GRIK2: variants seen among roughly 807,000 people sequenced by gnomAD.
GRIK2 encodes the protein glutamate receptor ionotropic, kainate 2.
In GRIK2, 32 loss-of-function variants were observed where a neutral mutation model predicts 100.3. That is an observed-to-expected ratio of 0.32 (90% CI 0.24 to 0.43). GRIK2 has a LOEUF of 0.43. Among genes scored for constraint, GRIK2 ranks in the 20% least tolerant of loss-of-function variants. GRIK2 has a pLI of 1.00. For synonymous variants in GRIK2, 417 were observed against 389.4 expected (o/e 1.07, Z -0.83); for missense variants, 843 against 1,114.9 (o/e 0.76, Z 3.47).
intron 14 of GRIK2, among the ~76,000 whole-genome samples, chr6:102,018,058 G>A (rs191803085): frequency 1.3e-5 from 2 of 152,190 alleles, no homozygotes; most frequent in East Asian, 3.9e-4. Flanking sequence ...TCAAACTTGT[G>A]TTTTTGCATT....
intron 11 of GRIK2, among the ~76,000 whole-genome samples, chr6:101,868,157 A>G (rs192525935): frequency 1.0e-3 from 158 of 151,536 alleles, no homozygotes; most frequent in Non-Finnish European, 2.0e-3. Flanking sequence ...TTTGTTATGC[A>G]GTACAGAGCA....
chr6:101,851,377 T>C (rs1424209348), intron 10 of GRIK2, among the ~76,000 whole-genome samples: 1 of 152,000 alleles, frequency 6.6e-6, no homozygotes, highest in Non-Finnish European at 1.5e-5. Context: ...CTCATATGCT[T>C]CACAGACTCC....
chr6:101,717,829 T>G (rs1484546699), intron 7 of GRIK2, among the ~76,000 whole-genome samples: 2 of 151,918 alleles, frequency 1.3e-5, no homozygotes, highest in African/African-American at 4.8e-5. Flanking sequence ...TTTTATGAAT[T>G]TAACAAAATG....
chr6:101,694,137 G>T (rs1489139705), intron 7 of GRIK2, among the ~76,000 whole-genome samples: 1 of 152,012 alleles, frequency 6.6e-6, no homozygotes, highest in Non-Finnish European at 1.5e-5. Context: ...TCTGGACTGT[G>T]GCATCAAGGT....
At chr6:101,747,185 T>C (rs969963713) in intron 7 of GRIK2, among the ~76,000 whole-genome samples, 9 of 152,166 alleles carry the variant, frequency 5.9e-5, no homozygotes, top group African/African-American at 1.9e-4. Flanking sequence ...CTTTCCTAAA[T>C]CACACATTGA....
intron 2 of GRIK2, among the ~76,000 whole-genome samples, chr6:101,480,705 G>C (rs1450518261): frequency 1.3e-5 from 2 of 152,022 alleles, no homozygotes; most frequent in Non-Finnish European, 2.9e-5. Context: ...GCCAACTCAA[G>C]ATTGTACTAG....
At chr6:101,500,520 A>G (rs919667099) in intron 2 of GRIK2, among the ~76,000 whole-genome samples, 5 of 152,098 alleles carry the variant, frequency 3.3e-5, no homozygotes, top group African/African-American at 1.2e-4. Flanking sequence ...ATGATTTTCA[A>G]CATGATCATG....
intron 2 of GRIK2, among the ~76,000 whole-genome samples, chr6:101,535,570 T>G (rs1275215898): frequency 1.3e-5 from 2 of 151,536 alleles, no homozygotes; most frequent in Non-Finnish European, 3.0e-5. Context: ...ATGCTCTTAT[T>G]TCAGTTGTTA....
At position 101,399,187 on chromosome 6, in the gene GRIK2, A is replaced by C. The variant is rs1775143169; in HGVS notation, c.-91A>C. ...CCATGCCGTGATCGTGTCTGCGGTC[A>C]CCACTCGACGCATCCTCATTTCTAC... is the stretch of plus-strand genomic sequence containing the variant. On this transcript the variant is annotated 5_prime_UTR_variant, in exon 2 of 17. Coordinates refer to ENST00000369134, the MANE Select transcript of GRIK2 (RefSeq NM_021956.5). 1.3e-6 allele frequency: 1 copy of C among 749,434 alleles called. No individual in the cohort carries two copies. Among genetic ancestry groups the C allele is most frequent in the African/African-American group, 1.7e-5 (1 of 58,686 alleles). The allele number at this position is 749,434 out of a possible 1,614,324, so 46.4% of individuals were successfully genotyped here.
chr6:101,489,036 T>C (rs973894145), intron 2 of GRIK2, among the ~76,000 whole-genome samples: 1 of 146,668 alleles, frequency 6.8e-6, no homozygotes, highest in Middle Eastern at 3.5e-3. Flanking sequence ...TATATTTTAA[T>C]GGGAAATTTT....
At chr6:101,782,342 C>T (rs774317459) in intron 7 of GRIK2, among the ~76,000 whole-genome samples, 3 of 152,118 alleles carry the variant, frequency 2.0e-5, no homozygotes, top group Non-Finnish European at 2.9e-5. Flanking sequence ...AACTTCTCCT[C>T]GTCTGTCCTT....
chr6:101,797,392 G>A (rs980969130), intron 7 of GRIK2, among the ~76,000 whole-genome samples: 7 of 151,694 alleles, frequency 4.6e-5, no homozygotes, highest in Non-Finnish European at 8.8e-5. Context: ...TTCCCCACTT[G>A]TTAGCTGTGT....
intron 2 of GRIK2, among the ~76,000 whole-genome samples, chr6:101,455,713 A>G (rs2579934): frequency 0.96 from 146,787 of 152,164 alleles, 70,835 homozygotes; most frequent in African/African-American, 0.99. Flanking sequence ...GATTTGGGAA[A>G]CATCATATGA....
chr6:101,561,680 A>G (rs1777023214), intron 2 of GRIK2, among the ~76,000 whole-genome samples: 1 of 152,118 alleles, frequency 6.6e-6, no homozygotes, highest in South Asian at 2.1e-4. Flanking sequence ...TGGAGGAAAA[A>G]TCTGCTGAAC....
chr6:101,919,139 T>A, intron 12 of GRIK2, among the ~76,000 whole-genome samples: 1 of 151,714 alleles, frequency 6.6e-6, no homozygotes, highest in East Asian at 1.9e-4. Context: ...ACAGAGAAAG[T>A]TAAACCTAAT....
chr6:102,013,455 G>A (rs954213029), intron 14 of GRIK2, among the ~76,000 whole-genome samples: 8 of 151,788 alleles, frequency 5.3e-5, no homozygotes, highest in African/African-American at 9.7e-5. Flanking sequence ...CTCTTGTCAC[G>A]ACTTTCAATA....
chr6:101,712,816 C>T (rs1019293788), intron 7 of GRIK2, among the ~76,000 whole-genome samples: 2 of 151,750 alleles, frequency 1.3e-5, no homozygotes, highest in African/African-American at 4.8e-5. Flanking sequence ...TCCAATTGGA[C>T]TTTAGGCAAG....
intron 11 of GRIK2, among the ~76,000 whole-genome samples, chr6:101,880,764 A>G (rs777834299): frequency 2.6e-5 from 4 of 152,004 alleles, no homozygotes; most frequent in Non-Finnish European, 5.9e-5. Context: ...AAACTGCATG[A>G]ACATATGAGA....
intron 7 of GRIK2, among the ~76,000 whole-genome samples, chr6:101,722,796 C>A (rs1054387201): frequency 1.3e-5 from 2 of 151,906 alleles, no homozygotes; most frequent in African/African-American, 2.4e-5. Flanking sequence ...GATGGTGGAA[C>A]CAGAGTCAGA....
Sources: allele counts gnomAD v4.1 joint callset (sites outside exome capture counted in the v4.1 genomes callset), GRCh38; gene constraint gnomAD v4.1.1; transcripts MANE v1.5; gene names NCBI Gene and HGNC (gene_info 2026-07-23, HGNC 2026-07-21).